The following UBE2E2 variants were observed in gnomAD, a reference collection of about 807,000 sequenced individuals.
UBE2E2 encodes ubiquitin-conjugating enzyme E2 E2.
In UBE2E2, 6 loss-of-function variants were observed where a neutral mutation model predicts 24.7. The observed-to-expected ratio is 0.24, with a 90% CI of 0.13 to 0.48. The LOEUF is 0.48. Among genes scored for constraint, UBE2E2 ranks in the 20% least tolerant of loss-of-function variants. UBE2E2 has a pLI of 0.99. For synonymous variants in UBE2E2, 104 were observed against 83.6 expected (o/e 1.24, Z -1.33); for missense variants, 169 against 245.0 (o/e 0.69, Z 2.07).
At chr3:23,235,640 A>G (rs1697084091) in intron 3 of UBE2E2, among the ~76,000 whole-genome samples, 1 of 152,106 alleles carries the variant, frequency 6.6e-6, no homozygotes, top group Non-Finnish European at 1.5e-5. Context: ...AGCAGTGGAG[A>G]TAGAAAGAGG....
At chr3:23,576,429 A>G (rs1696348946) in intron 5 of UBE2E2, among the ~76,000 whole-genome samples, 2 of 152,178 alleles carry the variant, frequency 1.3e-5, no homozygotes, top group Non-Finnish European at 2.9e-5. Context: ...TTAAAAAAAC[A>G]TAATTTTTAA....
chr3:23,535,655 G>A (rs1404185084), intron 5 of UBE2E2, among the ~76,000 whole-genome samples: 1 of 119,450 alleles, frequency 8.4e-6, no homozygotes, highest in Admixed American at 1.1e-4. Flanking sequence ...ATGGAGTCTC[G>A]CTCTGTCGCC....
chr3:23,261,330 T>A (rs1349064579), intron 3 of UBE2E2, among the ~76,000 whole-genome samples: 2 of 152,104 alleles, frequency 1.3e-5, no homozygotes, highest in Admixed American at 1.3e-4. Context: ...TTTTGAGGTA[T>A]AATTGACAAT....
At chr3:23,259,947 A>G (rs1307177635) in intron 3 of UBE2E2, among the ~76,000 whole-genome samples, 1 of 152,324 alleles carries the variant, frequency 6.6e-6, no homozygotes, top group East Asian at 1.9e-4. Context: ...TAAATATAGT[A>G]CTAGTCTGGA....
At chr3:23,330,727 T>C (rs567293886) in intron 3 of UBE2E2, among the ~76,000 whole-genome samples, 15 of 152,348 alleles carry the variant, frequency 9.8e-5, no homozygotes, top group African/African-American at 3.6e-4. Context: ...CTCCAGACTT[T>C]TCAGTTCTTT....
At chr3:23,532,158 G>T (rs937020469) in intron 4 of UBE2E2, among the ~76,000 whole-genome samples, 1 of 151,622 alleles carries the variant, frequency 6.6e-6, no homozygotes, top group Non-Finnish European at 1.5e-5. Flanking sequence ...TATTATAAAT[G>T]TACAAAATCC....
At chr3:23,523,876 A>G (rs913307567) in intron 4 of UBE2E2, among the ~76,000 whole-genome samples, 1 of 151,066 alleles carries the variant, frequency 6.6e-6, no homozygotes, top group Admixed American at 6.6e-5. Flanking sequence ...CTGTAGTTTC[A>G]TAGTGAGCCT....
intron 2 of UBE2E2, among the ~76,000 whole-genome samples, chr3:23,214,772 A>G (rs1217504209): frequency 6.6e-6 from 1 of 152,094 alleles, no homozygotes; most frequent in Non-Finnish European, 1.5e-5. Flanking sequence ...ATAACAAAGT[A>G]AACAGTACAT....
chr3:23,285,997 C>G (rs957721276), intron 3 of UBE2E2, among the ~76,000 whole-genome samples: 2 of 152,070 alleles, frequency 1.3e-5, no homozygotes, highest in South Asian at 4.2e-4. Flanking sequence ...GTGGATGGCC[C>G]TTTTGCCCAT....
At chr3:23,332,779 T>C (rs1348006298) in intron 3 of UBE2E2, among the ~76,000 whole-genome samples, 1 of 150,786 alleles carries the variant, frequency 6.6e-6, no homozygotes, top group African/African-American at 2.4e-5. Flanking sequence ...AGAAAAGGAG[T>C]AGTATTTAGT....
intron 3 of UBE2E2, among the ~76,000 whole-genome samples, chr3:23,367,466 A>G (rs1462363041): frequency 6.6e-6 from 1 of 152,162 alleles, no homozygotes; most frequent in South Asian, 2.1e-4. Context: ...TGCTTATGTT[A>G]TGAAACCTCC....
intron 3 of UBE2E2, among the ~76,000 whole-genome samples, chr3:23,219,039 G>A (rs1335707723): frequency 1.3e-5 from 2 of 152,126 alleles, no homozygotes; most frequent in African/African-American, 4.8e-5. Context: ...AACAGTTTCA[G>A]GGAAGATATC....
intron 5 of UBE2E2, among the ~76,000 whole-genome samples, chr3:23,570,378 A>T (rs990090218): frequency 6.6e-6 from 1 of 152,016 alleles, no homozygotes; most frequent in African/African-American, 2.4e-5. Flanking sequence ...CCTAGCCTAG[A>T]CTCAACCCCC....
At chr3:23,547,009 A>T (rs184701720) in intron 5 of UBE2E2, among the ~76,000 whole-genome samples, 556 of 152,176 alleles carry the variant, frequency 3.7e-3, no homozygotes, top group Middle Eastern at 6.8e-3. Context: ...TTTCTGTTAG[A>T]GTTATTTTAT....
intron 1 of UBE2E2, among the ~76,000 whole-genome samples, chr3:23,205,826 C>T (rs193102425): frequency 2.6e-5 from 4 of 152,160 alleles, no homozygotes; most frequent in East Asian, 1.9e-4. Context: ...CTCTAATATT[C>T]GGCAGTAGAA....
rs1695920758 is a variant in UBE2E2 at position 23,561,196 on chromosome 3, T to G, written c.508+28495T>G. Among the ~76,000 whole-genome samples the G allele has an allele frequency of 3.3e-5, 5 of 152,250 alleles. No individual in the cohort carries two copies. In the South Asian group the frequency reaches 1.0e-3, roughly 32 times the overall value. ...CCTAGGTTTTCTTCTAGGGTTTTTA[T>G]GGTTTTAGGTCTAACGTTTAAGTCT... On this transcript the variant is annotated intron_variant, in intron 5 of 5. Coordinates refer to ENST00000396703, the MANE Select transcript of UBE2E2 (RefSeq NM_152653.4).
chr3:23,363,866 G>A (rs140346989), intron 3 of UBE2E2, among the ~76,000 whole-genome samples: 75 of 151,506 alleles, frequency 5.0e-4, no homozygotes, highest in Non-Finnish European at 9.0e-4. Context: ...CACATGGCAT[G>A]TACTCTAAAA....
chr3:23,234,828 C>G (rs1253618057), intron 3 of UBE2E2, among the ~76,000 whole-genome samples: 2 of 152,130 alleles, frequency 1.3e-5, no homozygotes, highest in Non-Finnish European at 2.9e-5. Context: ...TTTGATAAAG[C>G]AGCTAGTCAG....
chr3:23,511,103 A>T (rs1474381817), intron 4 of UBE2E2, among the ~76,000 whole-genome samples: 4 of 152,224 alleles, frequency 2.6e-5, no homozygotes, highest in Non-Finnish European at 5.9e-5. Flanking sequence ...AAGGTATGGT[A>T]GAATAGGATT....
Sources: allele counts gnomAD v4.1 joint callset (sites outside exome capture counted in the v4.1 genomes callset), GRCh38; gene constraint gnomAD v4.1.1; transcripts MANE v1.5; gene names NCBI Gene and HGNC (gene_info 2026-07-23, HGNC 2026-07-21).